KMT2E: variants seen among roughly 807,000 people sequenced by gnomAD.
KMT2E encodes the protein lysine methyltransferase 2E (inactive), also known as histone reader KMT2E.
A neutral mutation model predicts 184.6 loss-of-function variants in KMT2E; 30 were observed. The ratio of observed to expected loss-of-function variants is 0.16; its 90% CI spans 0.12 to 0.22. KMT2E has a LOEUF of 0.22. Ranked by LOEUF, KMT2E falls within the 10% of genes least tolerant of loss-of-function variation. The pLI, the probability that KMT2E is intolerant of heterozygous loss-of-function variation, is 1.00. For missense variants in KMT2E, 2,023 were observed against 2,237.4 expected (o/e 0.90, Z 1.93); for synonymous variants, 815 against 776.5 (o/e 1.05, Z -0.82).
intron 3 of KMT2E, 132 bp from the exon 4 acceptor site, chr7:105,062,032 T>C (rs1481817705): frequency 3.1e-6 from 2 of 635,682 alleles, no homozygotes; most frequent in Non-Finnish European, 5.7e-6. Flanking sequence ...CTATAGTGTA[T>C]CCACCTGCTG....
chr7:105,051,037 CT>C (rs1796318093), intron 3 of KMT2E, among the ~76,000 whole-genome samples: 1 of 151,302 alleles, frequency 6.6e-6, no homozygotes, highest in Non-Finnish European at 1.5e-5. Context: ...TCATCTATTT[CT>C]TTCTTTCCTT....
At chr7:105,043,767 G>C (rs946472475) in intron 3 of KMT2E, among the ~76,000 whole-genome samples, 3 of 152,072 alleles carry the variant, frequency 2.0e-5, no homozygotes, top group Non-Finnish European at 4.4e-5. Flanking sequence ...TGGAAATAGC[G>C]TTTTTTCATT....
intron 1 of KMT2E, among the ~76,000 whole-genome samples, chr7:105,026,346 A>C (rs541937519): frequency 6.6e-6 from 1 of 152,088 alleles, no homozygotes; most frequent in African/African-American, 2.4e-5. Flanking sequence ...GTTCTGGAAC[A>C]TATCAAGATC....
chr7:105,096,005 A>C (rs1362785078), intron 15 of KMT2E, among the ~76,000 whole-genome samples: 2 of 152,222 alleles, frequency 1.3e-5, no homozygotes, highest in Admixed American at 1.3e-4. Flanking sequence ...CTGCAACCCC[A>C]GCACTTTGGG....
chr7:105,091,827 T>C (rs1049211761), intron 15 of KMT2E, among the ~76,000 whole-genome samples: 5 of 152,218 alleles, frequency 3.3e-5, no homozygotes, highest in Admixed American at 2.0e-4. Flanking sequence ...TTGTACTATT[T>C]ACAAATCTTT....
chr7:105,074,325 A>G (rs1797444272), intron 7 of KMT2E, among the ~76,000 whole-genome samples: 2 of 152,200 alleles, frequency 1.3e-5, no homozygotes, highest in African/African-American at 4.8e-5. Context: ...GTATGTACAT[A>G]TATAATTTTG....
intron 15 of KMT2E, among the ~76,000 whole-genome samples, chr7:105,095,771 T>TTCCAAA (rs1385975172): frequency 6.6e-6 from 1 of 152,212 alleles, no homozygotes; most frequent in African/African-American, 2.4e-5. Context: ...AGACTGTTTA[T>TTCCAAA]ACTCACTAGA....
chr7:105,059,975 G>GTTGTTTTTTTTT (rs1796731782), intron 3 of KMT2E, among the ~76,000 whole-genome samples: 1 of 45,616 alleles, frequency 2.2e-5, no homozygotes, highest in Non-Finnish European at 5.5e-5. Context: ...TTTTCTTGTT[G>GTTGTTTTTTTTT]TTGTTTTTTT....
At chr7:105,084,819 GTTA>G (rs923498939) in intron 13 of KMT2E, among the ~76,000 whole-genome samples, 2 of 152,068 alleles carry the variant, frequency 1.3e-5, no homozygotes, top group East Asian at 1.9e-4. Flanking sequence ...TGGCTACAAA[GTTA>G]TTATAGTAGT....
At chr7:105,032,450 A>C (rs576992836) in intron 1 of KMT2E, among the ~76,000 whole-genome samples, 1 of 152,330 alleles carries the variant, frequency 6.6e-6, no homozygotes. Flanking sequence ...TCTCAAGAAA[A>C]AAAAAGCGTT....
chr7:105,036,182 T>G lies in KMT2E; in HGVS notation c.-188-1944T>G, dbSNP rs539035415. Among the ~76,000 whole-genome samples the G allele has an allele frequency of 6.1e-5, 9 of 146,948 alleles. No homozygotes were observed. In the South Asian group the frequency reaches 1.7e-3, roughly 28 times the overall value. On this transcript the variant is annotated intron_variant, in intron 1 of 26. Transcript: ENST00000311117. ...GTTGTTGTTGTTCTTTTGGTTTTTT[T>G]TTTTGTTTTTTTTTTTGGCAGAGTC...
At chr7:105,105,284 A>G (rs2129569748) in intron 17 of KMT2E, 155 bp from the exon 18 acceptor site, 1 of 479,836 alleles carries the variant, frequency 2.1e-6, no homozygotes, top group Non-Finnish European at 3.5e-6. Flanking sequence ...TAAGAAATGT[A>G]AAAGGACATA....
intron 13 of KMT2E, among the ~76,000 whole-genome samples, chr7:105,086,945 G>A (rs1385732112): frequency 1.4e-5 from 2 of 145,178 alleles, no homozygotes; most frequent in African/African-American, 5.0e-5. Flanking sequence ...AGTATATATA[G>A]TATGCTATAT....
chr7:105,053,498 TTC>T (rs1432863858), intron 3 of KMT2E, among the ~76,000 whole-genome samples: 3 of 152,188 alleles, frequency 2.0e-5, no homozygotes, highest in Admixed American at 6.5e-5. Context: ...AATAATTTTA[TTC>T]TCTCAACTCT....
intron 6 of KMT2E, among the ~76,000 whole-genome samples, chr7:105,069,455 G>A (rs1377364103): frequency 2.6e-5 from 4 of 152,170 alleles, no homozygotes; most frequent in Non-Finnish European, 5.9e-5. Flanking sequence ...CAATATGATT[G>A]TGTAAAACAG....
At position 105,105,590 on chromosome 7, in the gene KMT2E, T is replaced by A; in HGVS notation, c.2348T>A (p.Val783Glu). ...SLPGLTYSPH[V>E]YSTPKHYIRF... ...CCAGGTCTCACTTACAGCCCCCATG[T>A]ATACTCCACTCCTAAGCATTATATT... The change falls in exon 18 of 27, where the codon GTA becomes GAA. Residue 783 changes from valine (V) to glutamate (E), a missense_variant. By Grantham distance (121) the Val-to-Glu change is moderately radical (BLOSUM62 -2). Transcript: ENST00000311117. 2 of 1,613,874 alleles carry A rather than the reference T, an allele frequency of 1.2e-6. No individual in the cohort carries two copies. The highest frequency in any genetic ancestry group is 1.7e-6 in the Non-Finnish European group (2 of 1,179,768).
Position 105,091,257 on chromosome 7 carries a change from T to C in KMT2E, c.1665T>C (p.Ile555=). ...FIDDIEEKTP[I]SNEVEMESEE... is the part of the protein sequence containing the mutation. ...ATGATATAGAAGAAAAAACTCCTATTAGTAATGAAGTAGAAATGGAATCAG... is the reference window on the plus strand; with the variant it reads ...ATGATATAGAAGAAAAAACTCCTATCAGTAATGAAGTAGAAATGGAATCAG... Residue 555 remains isoleucine (I), a synonymous_variant, in exon 15 of 27, where the codon ATT becomes ATC. Coordinates refer to ENST00000311117, the MANE Select transcript of KMT2E (RefSeq NM_182931.3). 1 of 1,603,142 alleles carries C rather than the reference T, an allele frequency of 6.2e-7. No homozygotes were observed. The highest frequency in any genetic ancestry group is 1.3e-5 in the African/African-American group (1 of 74,750).
chr7:105,065,217 T>G (rs78208277), intron 5 of KMT2E, among the ~76,000 whole-genome samples: 1,850 of 152,308 alleles, frequency 0.012, 37 homozygotes, highest in African/African-American at 0.041. Flanking sequence ...CTACTTATAC[T>G]CATCTCTTTG....
intron 17 of KMT2E, 47 bp downstream of exon 17, chr7:105,102,241 TATTA>T (rs1798686565): frequency 8.1e-6 from 12 of 1,476,364 alleles, no homozygotes; most frequent in Non-Finnish European, 1.1e-5. Context: ...CAGTTTCTTA[TATTA>T]ATTATATTGT....
Sources: gnomAD v4.1 joint callset for allele counts (sites outside exome capture counted in the v4.1 genomes callset) on GRCh38, gnomAD v4.1.1 for gene constraint, MANE v1.5 for transcripts, NCBI Gene and HGNC (gene_info 2026-07-23, HGNC 2026-07-21) for gene names.